TCF4: variants seen among roughly 807,000 people sequenced by gnomAD.
TCF4 encodes the protein SL3-3 enhancer factor 2.
TCF4 carries 3 observed loss-of-function variants against 82.1 expected under a neutral mutation model. The observed-to-expected ratio is 0.04, with a 90% CI of 0.02 to 0.09. The LOEUF (loss-of-function observed/expected upper bound fraction) is 0.09. Among genes scored for constraint, TCF4 ranks in the 10% least tolerant of loss-of-function variants. The pLI is 1.00. For missense variants in TCF4, 518 were observed against 852.7 expected, an observed-to-expected ratio of 0.61 and a Z score of 4.89; for synonymous variants, 276 against 309.6, an observed-to-expected ratio of 0.89 and a Z score of 1.14.
At chr18:55,330,988 C>T (rs1298093544) in intron 8 of TCF4, among the ~76,000 whole-genome samples, 1 of 152,182 alleles carries the variant, frequency 6.6e-6, no homozygotes, top group Admixed American at 6.5e-5. Flanking sequence ...GTTCCAATCC[C>T]TAACTTCTGT....
At chr18:55,318,238 A>G (rs999712754) in intron 8 of TCF4, among the ~76,000 whole-genome samples, 1 of 152,116 alleles carries the variant, frequency 6.6e-6, no homozygotes, top group African/African-American at 2.4e-5. Context: ...TTCTTCTTCA[A>G]TGAACATGCA....
At chr18:55,271,679 T>C (rs546097081) in intron 10 of TCF4, among the ~76,000 whole-genome samples, 272 of 152,226 alleles carry the variant, frequency 1.8e-3, no homozygotes, top group Non-Finnish European at 3.2e-3. Context: ...CAAAATTCCT[T>C]AGGCCACCTG....
chr18:55,248,070 C>T (rs1168870910), intron 15 of TCF4, among the ~76,000 whole-genome samples: 1 of 152,150 alleles, frequency 6.6e-6, no homozygotes, highest in East Asian at 1.9e-4. Flanking sequence ...ATGGGAATAA[C>T]TGCTTAGAAA....
chr18:55,394,611 G>A (rs2093378907), intron 6 of TCF4, among the ~76,000 whole-genome samples: 1 of 152,136 alleles, frequency 6.6e-6, no homozygotes, highest in Admixed American at 6.6e-5. Flanking sequence ...CCTTTGTTAA[G>A]TACAAGAAAT....
rs1463413331 is a variant in TCF4, at chr18:55,351,455, C to T, written c.370-452G>A. On this transcript the variant is annotated intron_variant, in intron 6 of 19. Transcript: ENST00000354452. ...TAGCCTATGAACTCGACTGAGAACC[C>T]TGCCTCTCTGTACCGCATATCATGA... The T allele has an allele frequency of 2.9e-5, 5 of 174,630 alleles. No individual in the cohort carries two copies. In the East Asian group the frequency reaches 6.9e-4, roughly 24 times the overall value. 10.8% of individuals were successfully genotyped at this position (174,630 alleles called of 1,614,324 possible). A position where few individuals can be genotyped will look rare whatever the true frequency, so the allele number is the denominator to read the frequency against.
chr18:55,558,010 G>C (rs965096574), intron 3 of TCF4, among the ~76,000 whole-genome samples: 3 of 151,972 alleles, frequency 2.0e-5, no homozygotes, highest in Non-Finnish European at 4.4e-5. Context: ...TTCCAGACCA[G>C]CCTGGGCAAC....
chr18:55,575,055 A>G (rs937197299), intron 3 of TCF4, among the ~76,000 whole-genome samples: 2 of 152,254 alleles, frequency 1.3e-5, no homozygotes, highest in Non-Finnish European at 2.9e-5. Context: ...ACTAAGGATT[A>G]AAGTGTAGAA....
intron 15 of TCF4, 104 bp downstream of exon 15, chr18:55,254,393 T>C (rs753917219): frequency 7.3e-6 from 8 of 1,091,852 alleles, no homozygotes; most frequent in East Asian, 2.6e-5. Flanking sequence ...AAGTGAATTA[T>C]ATCTCAATAA....
At chr18:55,485,659 C>T (rs1360809847) in intron 3 of TCF4, among the ~76,000 whole-genome samples, 2 of 152,164 alleles carry the variant, frequency 1.3e-5, no homozygotes, top group African/African-American at 4.8e-5. Context: ...CAAAAGGTAA[C>T]TAAAAAGCAT....
At chr18:55,434,600 TGTATTTTTA>T (rs1199035803) in intron 5 of TCF4, among the ~76,000 whole-genome samples, 1 of 151,178 alleles carries the variant, frequency 6.6e-6, no homozygotes, top group Non-Finnish European at 1.5e-5. Context: ...TTTTTTTTTT[TGTATTTTTA>T]GTAGAGACGG....
chr18:55,492,876 C>A (rs2096590649), intron 3 of TCF4, among the ~76,000 whole-genome samples: 1 of 152,178 alleles, frequency 6.6e-6, no homozygotes, highest in South Asian at 2.1e-4. Context: ...CTGCTCTATA[C>A]TCACTGGTCA....
chr18:55,327,889 G>C (rs973346454), intron 8 of TCF4, among the ~76,000 whole-genome samples: 2 of 152,096 alleles, frequency 1.3e-5, no homozygotes, highest in African/African-American at 4.8e-5. Context: ...TCAGTATACA[G>C]TGAAATCTGA....
chr18:55,235,994 T>C (rs1790582151), intron 15 of TCF4, among the ~76,000 whole-genome samples: 1 of 152,206 alleles, frequency 6.6e-6, no homozygotes, highest in Admixed American at 6.5e-5. Flanking sequence ...GTATCACCTA[T>C]AATATTTTGC....
intron 3 of TCF4, among the ~76,000 whole-genome samples, chr18:55,570,230 T>C (rs1332851515): frequency 1.3e-5 from 2 of 152,186 alleles, no homozygotes; most frequent in Non-Finnish European, 2.9e-5. Flanking sequence ...TTAAATGTGA[T>C]AGGCAAAATT....
intron 6 of TCF4, among the ~76,000 whole-genome samples, chr18:55,389,624 C>A (rs146353387): frequency 6.6e-6 from 1 of 152,232 alleles, no homozygotes; most frequent in African/African-American, 2.4e-5. Context: ...CTGCAAGCAG[C>A]TCAGTAGGGC....
chr18:55,455,311 T>C (rs1003249699), intron 5 of TCF4, among the ~76,000 whole-genome samples: 5 of 151,754 alleles, frequency 3.3e-5, no homozygotes, highest in East Asian at 1.9e-4. Context: ...ACAATCAAGA[T>C]TGCTAAAAAC....
At chr18:55,267,418 G>T (rs777524997) in intron 11 of TCF4, 10 of 151,986 alleles carry the variant, frequency 6.6e-5, no homozygotes, top group Non-Finnish European at 1.5e-4. Flanking sequence ...ATACAGACAC[G>T]CTGCCATCAC....
intron 5 of TCF4, among the ~76,000 whole-genome samples, chr18:55,451,336 C>A (rs1417437149): frequency 6.6e-6 from 1 of 152,130 alleles, no homozygotes; most frequent in African/African-American, 2.4e-5. Flanking sequence ...TCTCAGTGAG[C>A]CTGGGAGGGG....
chr18:55,485,507 C>T lies in TCF4; in HGVS notation c.146-21370G>A, dbSNP rs114345482. 1.3e-3 allele frequency among the ~76,000 whole-genome samples: 194 copies of T among 152,262 alleles called. 1 individual carries two copies. The highest frequency in any genetic ancestry group is 4.5e-3 in the African/African-American group (185 of 41,546). On this transcript the variant is annotated intron_variant, in intron 3 of 19. Coordinates refer to ENST00000354452, the MANE Select transcript of TCF4 (RefSeq NM_001083962.2). ...TTTCAGGAAATGTATAAGTTACATG[C>T]TGCATAATTCCCCATTTAACCCTTC...
Sources: allele counts gnomAD v4.1 joint callset (sites outside exome capture counted in the v4.1 genomes callset), GRCh38; gene constraint gnomAD v4.1.1; transcripts MANE v1.5; gene names NCBI Gene and HGNC (gene_info 2026-07-23, HGNC 2026-07-21).